FLRT1: variants seen among roughly 807,000 people sequenced by gnomAD.
FLRT1 encodes fibronectin leucine rich transmembrane protein 1.
In FLRT1, 14 loss-of-function variants were observed where a neutral mutation model predicts 30.9. The observed-to-expected ratio is 0.45, with a 90% CI of 0.30 to 0.71. The LOEUF (loss-of-function observed/expected upper bound fraction) is 0.71. FLRT1 is among the 30% of genes least tolerant of loss of function. The probability of loss-of-function intolerance (pLI) is 0.08; values close to 1 mark genes in which losing one functional copy is unlikely to be tolerated. For missense variants in FLRT1, 737 were observed against 949.2 expected (o/e 0.78, Z 2.94); for synonymous variants, 368 against 430.4 (o/e 0.85, Z 1.80).
intron 1 of FLRT1, among the ~76,000 whole-genome samples, chr11:64,101,489 C>G (rs942318331): frequency 2.6e-5 from 4 of 152,140 alleles, no homozygotes; most frequent in African/African-American, 9.7e-5. Context: ...TCCCAGGACA[C>G]GGCAATCATC....
chr11:64,036,456 A>G lies in FLRT1; in HGVS notation c.-1038+297A>G, dbSNP rs1943382550. 6.6e-6 allele frequency among the ~76,000 whole-genome samples: 1 copy of G among 151,508 alleles called. No homozygotes were observed. The highest frequency in any genetic ancestry group is 2.4e-5 in the African/African-American group (1 of 41,218). The stretch of plus-strand genomic sequence containing the variant: ...CCGAGGCTGGAAAGGGCGGGGGCTC[A>G]GCTGGAGCTCTAGTCCAAGCCCTCG... On this transcript the variant is annotated intron_variant, in intron 1 of 2. Transcript: ENST00000682287. This position sits in a 1 kb window ranked among gnomAD's most constrained non-coding sequence, Gnocchi z 5.6.
chr11:64,086,780 G>T (rs975984090), intron 1 of FLRT1: 11 of 152,394 alleles, frequency 7.2e-5, no homozygotes, highest in African/African-American at 2.4e-4. Flanking sequence ...AGCAGCTGTG[G>T]AGCTGGACGT....
At chr11:64,058,611 C>A (rs577590409) in intron 1 of FLRT1, among the ~76,000 whole-genome samples, 1 of 152,244 alleles carries the variant, frequency 6.6e-6, no homozygotes, top group Non-Finnish European at 1.5e-5. Flanking sequence ...GCAGCGGGCA[C>A]GGCCCTGTAA....
intron 1 of FLRT1, among the ~76,000 whole-genome samples, chr11:64,100,698 G>A (rs1392958529): frequency 6.6e-6 from 1 of 152,206 alleles, no homozygotes; most frequent in East Asian, 1.9e-4. Flanking sequence ...CAGTGCTGCT[G>A]GAGAGCTCAC....
rs77239866 is a variant in FLRT1 at position 64,059,786 on chromosome 11, T to C, written c.-1038+23627T>C. Among the ~76,000 whole-genome samples the C allele has an allele frequency of 1.7e-3, 256 of 152,248 alleles. 5 individuals are homozygous for C. In the East Asian group the frequency reaches 0.04, roughly 24 times the overall value. On this transcript the variant is annotated intron_variant, in intron 1 of 2. Coordinates refer to ENST00000682287, the MANE Select transcript of FLRT1 (RefSeq NM_013280.5). ...GGGTCTATTCCCTCTCCTGAGTTTC[T>C]CAGTTAATCATTTTGGGTCTTCCAA...
At chr11:64,086,648 C>T (rs1334799582) in intron 1 of FLRT1, among the ~76,000 whole-genome samples, 2 of 152,296 alleles carry the variant, frequency 1.3e-5, no homozygotes, top group East Asian at 1.9e-4. Flanking sequence ...GTCTGAGACT[C>T]CTATTCATGC....
intron 1 of FLRT1, among the ~76,000 whole-genome samples, chr11:64,058,010 C>T (rs1565213016): frequency 6.6e-6 from 1 of 152,226 alleles, no homozygotes; most frequent in Non-Finnish European, 1.5e-5. Flanking sequence ...GACAGCTGGC[C>T]TGCCACCATC....
chr11:64,096,410 T>C lies in FLRT1; in HGVS notation c.-1037-6784T>C, dbSNP rs1356222053. ...GAGCTGGCAGGCAAGTGGTCGTTCC[T>C]GTCCCCTCTTTTTTTTTTTTGAGAC... is the stretch of plus-strand genomic sequence containing the variant. On this transcript the variant is annotated intron_variant, in intron 1 of 2. Transcript: ENST00000682287. This position sits in a 1 kb window ranked among gnomAD's most constrained non-coding sequence, Gnocchi z 4.6. 6.0e-5 allele frequency among the ~76,000 whole-genome samples: 9 copies of C among 150,700 alleles called. No individual in the cohort carries two copies. The highest frequency in any genetic ancestry group is 1.9e-4 in the East Asian group (1 of 5,144).
intron 1 of FLRT1, among the ~76,000 whole-genome samples, chr11:64,041,226 A>AAAAAAAAAAAAAAAAAAC (rs1943480162): frequency 6.6e-6 from 1 of 150,438 alleles, no homozygotes; most frequent in African/African-American, 2.4e-5. Context: ...AAAAAAAAAA[A>AAAAAAAAAAAAAAAAAAC]AAAGCATGAG....
chr11:64,073,363 G>C (rs989321416), intron 1 of FLRT1, among the ~76,000 whole-genome samples: 2 of 152,220 alleles, frequency 1.3e-5, no homozygotes, highest in Non-Finnish European at 2.9e-5. Flanking sequence ...CTCTGAGGCA[G>C]CCCAGACCAG....
rs751819095 is a variant in FLRT1 at position 64,116,794 on chromosome 11, G to A, written c.527G>A (p.Ser176Asn). 5 of 1,613,502 alleles carry A rather than the reference G, an allele frequency of 3.1e-6. No homozygotes were observed. The highest frequency in any genetic ancestry group is 3.4e-6 in the Non-Finnish European group (4 of 1,180,038). ...ATTGAGGAGGACGCCTTCGCCGACA[G>A]CAAACAGCTCAAGCTGCTCTTCCTG... ...VSIEEDAFAD[S>N]KQLKLLFLSR... The change falls in exon 3 of 3, where the codon AGC (serine) becomes AAC (asparagine). Residue 176 changes from serine (S) to asparagine (N), a missense_variant. Coordinates refer to ENST00000682287, the MANE Select transcript of FLRT1 (RefSeq NM_013280.5).
Position 64,096,690 on chromosome 11 carries a change from T to A in FLRT1, c.-1037-6504T>A, listed in dbSNP as rs1310301993. On this transcript the variant is annotated intron_variant, in intron 1 of 2. Coordinates refer to ENST00000682287, the MANE Select transcript of FLRT1 (RefSeq NM_013280.5). The surrounding 1 kb of genome is among the most constrained non-coding windows in gnomAD (Gnocchi z 4.6). ...CCTCAGCCTCCCAAAGTGCTGGGAT[T>A]ACAGGCATGAGCCACCGCACCCTAC... Among the ~76,000 whole-genome samples, 1 of 152,212 alleles carries A rather than the reference T, an allele frequency of 6.6e-6. No homozygotes were observed. The highest frequency in any genetic ancestry group is 1.5e-5 in the Non-Finnish European group (1 of 68,026).
intron 2 of FLRT1, among the ~76,000 whole-genome samples, chr11:64,114,548 CATGGATGGATGG>C (rs139254051): frequency 1.5e-4 from 20 of 136,108 alleles, no homozygotes; most frequent in African/African-American, 5.7e-4. Flanking sequence ...TGGATTGATG[CATGGATGGATGG>C]ATGGATGGAT....
At chr11:64,098,893 A>G (rs1284709231) in intron 1 of FLRT1, among the ~76,000 whole-genome samples, 1 of 152,238 alleles carries the variant, frequency 6.6e-6, no homozygotes, top group East Asian at 1.9e-4. Context: ...TTAATGACAC[A>G]TACATAAAAA....
chr11:64,060,112 T>C (rs1943870063), intron 1 of FLRT1, among the ~76,000 whole-genome samples: 1 of 152,254 alleles, frequency 6.6e-6, no homozygotes, highest in Non-Finnish European at 1.5e-5. Context: ...CAAGTAATAA[T>C]GCACCTTACT....
At chr11:64,042,550 T>C (rs779892235) in intron 1 of FLRT1, among the ~76,000 whole-genome samples, 23 of 152,086 alleles carry the variant, frequency 1.5e-4, no homozygotes, top group Non-Finnish European at 3.2e-4. Context: ...AGGCTCTGGG[T>C]AGGGCCACCC....
At chr11:64,114,478 G>T (rs1327284883) in intron 2 of FLRT1, among the ~76,000 whole-genome samples, 2 of 127,368 alleles carry the variant, frequency 1.6e-5, no homozygotes, top group Non-Finnish European at 3.3e-5. Context: ...GATGGATGGA[G>T]GGATGGTTGA....
chr11:64,070,011 G>A (rs560294234), intron 1 of FLRT1, among the ~76,000 whole-genome samples: 2 of 152,286 alleles, frequency 1.3e-5, no homozygotes, highest in African/African-American at 2.4e-5. Flanking sequence ...GGGGACAGGC[G>A]GGGATGGTGA....
chr11:64,075,528 A>G (rs1240367382), intron 1 of FLRT1, among the ~76,000 whole-genome samples: 1 of 152,234 alleles, frequency 6.6e-6, no homozygotes, highest in Non-Finnish European at 1.5e-5. Flanking sequence ...AACCGAGGGA[A>G]CAGGCAGAGG....
Sources: gnomAD v4.1 joint callset for allele counts (sites outside exome capture counted in the v4.1 genomes callset) on GRCh38, gnomAD v4.1.1 for gene constraint, Gnocchi (gnomAD v3.1) non-coding constraint, MANE v1.5 for transcripts, NCBI Gene and HGNC (gene_info 2026-07-23, HGNC 2026-07-21) for gene names.